CCND3: variants seen among roughly 807,000 people sequenced by gnomAD.
CCND3 encodes the protein cyclin D3.
In CCND3, 9 loss-of-function variants were observed where a neutral mutation model predicts 28.7. The ratio of observed to expected loss-of-function variants is 0.31; its 90% confidence interval spans 0.19 to 0.55. CCND3 has a LOEUF of 0.55. Among genes scored for constraint, CCND3 ranks in the 20% least tolerant of loss-of-function variants. The pLI is 0.93. For missense variants in CCND3, 315 were observed against 385.8 expected, an observed-to-expected ratio of 0.82 and a Z score of 1.54; for synonymous variants, 164 against 163.9, an observed-to-expected ratio of 1.00 and a Z score of 0.00.
At chr6:41,988,535 C>T (rs1003389935) in intron 1 of CCND3, among the ~76,000 whole-genome samples, 2 of 151,986 alleles carry the variant, frequency 1.3e-5, no homozygotes, top group African/African-American at 4.8e-5. Context: ...TAAATGTATT[C>T]ACAATACTGT....
At chr6:41,979,032 G>A (rs1762257336) in intron 1 of CCND3, among the ~76,000 whole-genome samples, 1 of 151,868 alleles carries the variant, frequency 6.6e-6, no homozygotes, top group African/African-American at 2.4e-5. Context: ...TTAGCTGGGT[G>A]TGGTAGTGCA....
chr6:41,998,070 C>T (rs1167854581), intron 1 of CCND3, among the ~76,000 whole-genome samples: 1 of 151,724 alleles, frequency 6.6e-6, no homozygotes. Flanking sequence ...AAGCAGATCA[C>T]TTGAGGTCAG....
At chr6:41,969,360 A>T (rs998030347) in intron 1 of CCND3, among the ~76,000 whole-genome samples, 1 of 151,728 alleles carries the variant, frequency 6.6e-6, no homozygotes, top group Non-Finnish European at 1.5e-5. Context: ...TACTAAAAAT[A>T]CAAAAATTAG....
intron 1 of CCND3, among the ~76,000 whole-genome samples, chr6:42,010,621 G>A (rs1343798548): frequency 6.6e-6 from 1 of 152,124 alleles, no homozygotes; most frequent in Non-Finnish European, 1.5e-5. Context: ...GGAAAACTGT[G>A]AATGATTTCA....
intron 1 of CCND3, among the ~76,000 whole-genome samples, chr6:41,979,680 T>G (rs1422561063): frequency 6.6e-6 from 1 of 151,620 alleles, no homozygotes; most frequent in African/African-American, 2.4e-5. Context: ...TATGGATCTA[T>G]TTATCTATCT....
intron 1 of CCND3, among the ~76,000 whole-genome samples, chr6:41,987,507 CTCTCTCTCTCTGTGTGTGTGTGTGTG>C (rs1397268481): frequency 3.2e-5 from 2 of 63,190 alleles, no homozygotes; most frequent in Non-Finnish European, 6.4e-5. Context: ...CTCTCTCTCT[CTCTCTCTCTCTGTGTGTGTGTGTGTG>C]TGTGTGTGTG....
chr6:42,037,770 C>A (rs186716796), intron 1 of CCND3, among the ~76,000 whole-genome samples: 3 of 151,876 alleles, frequency 2.0e-5, no homozygotes, highest in East Asian at 3.9e-4. Context: ...TAGTGGCATG[C>A]GCCTGTAATC....
At chr6:41,967,332 A>T (rs1167120019) in intron 1 of CCND3, among the ~76,000 whole-genome samples, 1 of 152,208 alleles carries the variant, frequency 6.6e-6, no homozygotes, top group Admixed American at 6.5e-5. Context: ...GCTTGAATGA[A>T]AAATTAATAA....
At chr6:42,032,227 A>G (rs953318564) in intron 1 of CCND3, among the ~76,000 whole-genome samples, 2 of 152,178 alleles carry the variant, frequency 1.3e-5, no homozygotes, top group African/African-American at 4.8e-5. Flanking sequence ...CTAGGACTGC[A>G]GACACATGCC....
intron 1 of CCND3, chr6:42,031,249 A>G (rs1764033329): frequency 6.6e-6 from 1 of 152,192 alleles, no homozygotes; most frequent in African/African-American, 2.4e-5. Flanking sequence ...TCCGTAGGTT[A>G]TTGGGGCTTG....
chr6:42,033,472 G>GTA (rs1431302650), intron 1 of CCND3, among the ~76,000 whole-genome samples: 3 of 91,816 alleles, frequency 3.3e-5, no homozygotes, highest in Non-Finnish European at 6.4e-5. Flanking sequence ...ATATATATGT[G>GTA]TATATATATG....
intron 1 of CCND3, among the ~76,000 whole-genome samples, chr6:42,038,256 G>A (rs1330877320): frequency 6.6e-6 from 1 of 151,520 alleles, no homozygotes; most frequent in Non-Finnish European, 1.5e-5. Flanking sequence ...AACTATATTA[G>A]GGCAGGGTGC....
chr6:41,961,016 G>A (rs1488505004), intron 1 of CCND3, among the ~76,000 whole-genome samples: 2 of 152,196 alleles, frequency 1.3e-5, no homozygotes, highest in Non-Finnish European at 2.9e-5. Context: ...TGCAGGGGAA[G>A]AGGACAGCAC....
At chr6:42,046,148 A>G (rs1195967782) in intron 1 of CCND3, among the ~76,000 whole-genome samples, 1 of 152,218 alleles carries the variant, frequency 6.6e-6, no homozygotes, top group Non-Finnish European at 1.5e-5. Context: ...CTGCAGGCAG[A>G]GAGGGACCGC....
intron 1 of CCND3, 171 bp from the exon 2 acceptor site, chr6:41,940,756 GC>G: frequency 1.3e-6 from 1 of 755,052 alleles, no homozygotes; most frequent in Non-Finnish European, 2.3e-6. Context: ...CCAAGGTGAC[GC>G]CCCCCACTTC....
chr6:41,991,825 C>T (rs1324370240), intron 1 of CCND3, among the ~76,000 whole-genome samples: 1 of 152,146 alleles, frequency 6.6e-6, no homozygotes, highest in African/African-American at 2.4e-5. Flanking sequence ...AAAGCTTCCA[C>T]GTGTGAGTGA....
rs542348412 is a variant in CCND3, at chr6:42,037,032, G to A, written c.-46+11469C>T. On this transcript the variant is annotated intron_variant, in intron 1 of 4. Coordinates refer to the CCND3 transcript ENST00000372988. ...CAGCTCACTGCAAGCTCCGCCTCTC[G>A]GGTTCACGCCATTCTCCTGCCTCAG... 2.8e-4 allele frequency among the ~76,000 whole-genome samples: 43 copies of A among 151,658 alleles called. No homozygotes were observed. In the East Asian group the frequency reaches 6.8e-3, roughly 24 times the overall value.
intron 1 of CCND3, among the ~76,000 whole-genome samples, chr6:41,967,850 A>G (rs1423540805): frequency 4.6e-5 from 7 of 152,212 alleles, no homozygotes; most frequent in African/African-American, 1.7e-4. Flanking sequence ...TCTAACCCCC[A>G]CTAATGTCCA....
intron 1 of CCND3, among the ~76,000 whole-genome samples, chr6:41,981,494 C>T (rs1177990233): frequency 1.0e-5 from 1 of 96,378 alleles, no homozygotes; most frequent in Admixed American, 1.0e-4. Flanking sequence ...TGAGCCACCA[C>T]GCCCGGCCAT....
Sources: gnomAD v4.1 joint callset for allele counts (sites outside exome capture counted in the v4.1 genomes callset) on GRCh38, gnomAD v4.1.1 for gene constraint, MANE v1.5 for transcripts, NCBI Gene and HGNC (gene_info 2026-07-23, HGNC 2026-07-21) for gene names.